The following PARPBP variants were observed in gnomAD, a reference collection of about 807,000 sequenced individuals.
The protein encoded by PARPBP is PCNA-interacting partner.
PARPBP carries 52 observed loss-of-function variants against 50.0 expected under a neutral mutation model. The ratio of observed to expected loss-of-function variants is 1.04; its 90% confidence interval spans 0.83 to 1.31. The LOEUF (loss-of-function observed/expected upper bound fraction) is 1.31. PARPBP is among the 50% of genes most tolerant of loss of function. PARPBP has a pLI of 0.00. For missense variants in PARPBP, 697 were observed against 672.0 expected (o/e 1.04, Z -0.41); for synonymous variants, 244 against 232.1 (o/e 1.05, Z -0.47).
intron 7 of PARPBP, 38 bp from the exon 8 acceptor site, chr12:102,178,554 T>C (rs1889514854): frequency 1.4e-6 from 2 of 1,395,134 alleles, no homozygotes; most frequent in Non-Finnish European, 2.0e-6. Flanking sequence ...CCAGCTGGGG[T>C]GATTATTACA....
chr12:102,155,826 G>A (rs1030821127), intron 4 of PARPBP, among the ~76,000 whole-genome samples: 6 of 152,198 alleles, frequency 3.9e-5, no homozygotes, highest in Non-Finnish European at 5.9e-5. Context: ...TTGGTAGGAT[G>A]TCCGCTGTGC....
At chr12:102,168,517 T>C (rs766854563) in intron 6 of PARPBP, among the ~76,000 whole-genome samples, 288 of 152,308 alleles carry the variant, frequency 1.9e-3, no homozygotes, top group Middle Eastern at 0.01. Flanking sequence ...TTTATTTTTG[T>C]TCTGCAGTAG....
intron 2 of PARPBP, among the ~76,000 whole-genome samples, chr12:102,130,554 A>G (rs1406860033): frequency 6.6e-6 from 1 of 152,172 alleles, no homozygotes; most frequent in African/African-American, 2.4e-5. Flanking sequence ...AAAAAATCCC[A>G]TTAAGAAGTA....
chr12:102,177,986 C>T (rs75549325), intron 7 of PARPBP, among the ~76,000 whole-genome samples: 5,723 of 152,234 alleles, frequency 0.038, 149 homozygotes, highest in African/African-American at 0.069. Flanking sequence ...CTGCACTGTG[C>T]GTACACTTAT....
In PARPBP at chr12:102,164,570, A is replaced by G; in HGVS notation, c.628A>G (p.Lys210Glu). ...AGGAAGAGAAGCCTTCACTGATTTG[A>G]AACATGCTGCTCGAGAGAAACAAAT... is the stretch of plus-strand genomic sequence containing the variant. Reference protein sequence around the residue: ...GLGREAFTDLKHAAREKQMSI... With the variant: ...GLGREAFTDLEHAAREKQMSI... Residue 210 changes from lysine (K) to glutamate (E), a missense_variant, in exon 5 of 11, where the codon AAA (lysine) becomes GAA (glutamate). Transcript: ENST00000327680. The G allele has an allele frequency of 6.2e-7, 1 of 1,613,630 alleles. No individual in the cohort carries two copies. The highest frequency in any genetic ancestry group is 1.1e-5 in the South Asian group (1 of 91,074).
intron 7 of PARPBP, among the ~76,000 whole-genome samples, chr12:102,177,860 A>G (rs868638764): frequency 6.6e-6 from 1 of 152,156 alleles, no homozygotes; most frequent in Non-Finnish European, 1.5e-5. Context: ...TTCTTCAGCC[A>G]TGCCATGCTA....
intron 2 of PARPBP, among the ~76,000 whole-genome samples, chr12:102,145,522 A>T (rs1174094691): frequency 9.2e-6 from 1 of 108,284 alleles, no homozygotes; most frequent in African/African-American, 3.1e-5. Context: ...TGGAATCAAT[A>T]AAAAAAACCT....
intron 1 of PARPBP, among the ~76,000 whole-genome samples, chr12:102,122,598 A>G (rs533860560): frequency 1.3e-5 from 2 of 152,346 alleles, no homozygotes; most frequent in South Asian, 4.1e-4. Context: ...GTAAACTCAG[A>G]GAAAGGAATT....
chr12:102,134,238 C>CAAAAAAAAA (rs771158918), intron 2 of PARPBP, among the ~76,000 whole-genome samples: 1 of 91,330 alleles, frequency 1.1e-5, no homozygotes, highest in Non-Finnish European at 2.4e-5. Context: ...AGAGAAGCCT[C>CAAAAAAAAA]AAAAAAAAAA....
chr12:102,155,593 G>GT lies in PARPBP; in HGVS notation c.495+1618dup, dbSNP rs1290336252. ...CAATCATCTATCGCCTGAGAGCATG[G>GT]TGGGGGGGGGGGGCGGGGACAATGA... On this transcript the variant is annotated intron_variant, in intron 4 of 10. Coordinates refer to ENST00000327680, the MANE Select transcript of PARPBP (RefSeq NM_017915.5). Among the ~76,000 whole-genome samples, 9 of 102,728 alleles carry GT rather than the reference G, an allele frequency of 8.8e-5. 1 individual carries two copies. The highest frequency in any genetic ancestry group is 1.0e-4 in the Non-Finnish European group (5 of 49,490). 67.4% of individuals were successfully genotyped at this position (102,728 alleles called of 152,430 possible).
Position 102,195,300 on chromosome 12 carries a change from TTC to T in PARPBP, c.1264-10_1264-9del, listed in dbSNP as rs77048834. 0.031 allele frequency: 45,969 copies of T among 1,475,308 alleles called. 3,110 individuals carry two copies. The highest frequency in any genetic ancestry group is 0.3 in the East Asian group (12,859 of 42,934). 91.4% of individuals were successfully genotyped at this position (1,475,308 alleles called of 1,614,324 possible). A position where few individuals can be genotyped will look rare whatever the true frequency, so the allele number is the denominator to read the frequency against. On this transcript the variant is annotated splice_polypyrimidine_tract_variant and intron_variant, in intron 9 of 10. Transcript: ENST00000327680. ...TAAATTTGCATATTTTCTTCTTTCTTTCTGTTACTAGATGAAGCAAACTTTAA... is the reference window on the plus strand; with the variant it reads ...TAAATTTGCATATTTTCTTCTTTCTTTGTTACTAGATGAAGCAAACTTTAA...
At chr12:102,131,261 A>G (rs191721522) in intron 2 of PARPBP, among the ~76,000 whole-genome samples, 52 of 152,100 alleles carry the variant, frequency 3.4e-4, no homozygotes, top group African/African-American at 1.0e-3. Flanking sequence ...AGAGGCAGAG[A>G]TTGCAGTAAG....
intron 2 of PARPBP, among the ~76,000 whole-genome samples, chr12:102,131,903 G>T (rs1021389273): frequency 6.6e-6 from 1 of 152,092 alleles, no homozygotes; most frequent in East Asian, 1.9e-4. Context: ...TAATACCGGG[G>T]TGACAAAATA....
intron 4 of PARPBP, among the ~76,000 whole-genome samples, chr12:102,161,080 A>G (rs1418473935): frequency 6.6e-6 from 1 of 151,432 alleles, no homozygotes; most frequent in Non-Finnish European, 1.5e-5. Flanking sequence ...CACCATAATA[A>G]AAAATATGGC....
At position 102,197,321 on chromosome 12, in the gene PARPBP, A is replaced by G. The variant is rs1022588215; in HGVS notation, c.*1030A>G. ...ACCTTAGATGCAAATTTATAGGAGA[A>G]AAAACACTTTCAGATAAGAGGTGTT... On this transcript the variant is annotated 3_prime_UTR_variant, in exon 11 of 11. Transcript: ENST00000327680. The G allele has an allele frequency of 7.2e-6, 6 of 837,550 alleles. No homozygotes were observed. In the African/African-American group the frequency reaches 1.0e-4, roughly 14 times the overall value. 51.9% of individuals were successfully genotyped at this position (837,550 alleles called of 1,614,324 possible).
intron 4 of PARPBP, 39 bp downstream of exon 4, chr12:102,154,015 T>C: frequency 8.4e-7 from 1 of 1,187,458 alleles, no homozygotes; most frequent in South Asian, 1.2e-5. Context: ...CAGACTATAA[T>C]CCCTTTCAAA....
intron 2 of PARPBP, among the ~76,000 whole-genome samples, chr12:102,144,598 C>A (rs916564138): frequency 1.3e-5 from 2 of 152,060 alleles, no homozygotes; most frequent in Non-Finnish European, 1.5e-5. Flanking sequence ...CTCACAAGAT[C>A]AAGAGCTTGC....
chr12:102,196,150 T>C lies in PARPBP; in HGVS notation c.1599T>C (p.Asn533=), dbSNP rs1388175680. 1 of 1,612,010 alleles carries C rather than the reference T, an allele frequency of 6.2e-7. No homozygotes were observed. Among genetic ancestry groups the C allele is most frequent in the South Asian group, 1.1e-5 (1 of 90,990 alleles). The change falls in exon 11 of 11, where the codon AAT becomes AAC. Residue 533 remains asparagine (N), a synonymous_variant. Transcript: ENST00000327680. The part of the protein sequence containing the change: ...DNRNEPPQHK[N]AKIPKKSNDS... ...GAAATGAACCACCTCAACATAAAAA[T>C]GCTAAAATACCTAAGAAATCAAATG...
At chr12:102,120,974 A>G (rs1880962692) in intron 1 of PARPBP, among the ~76,000 whole-genome samples, 1 of 152,186 alleles carries the variant, frequency 6.6e-6, no homozygotes, top group Admixed American at 6.5e-5. Context: ...GCAACTTGGA[A>G]TCCAATTTTT....
Sources: gnomAD v4.1 joint callset for allele counts (sites outside exome capture counted in the v4.1 genomes callset) on GRCh38, gnomAD v4.1.1 for gene constraint, MANE v1.5 for transcripts, NCBI Gene and HGNC (gene_info 2026-07-23, HGNC 2026-07-21) for gene names.